The following SYN3 variants were observed in gnomAD, a reference collection of about 807,000 sequenced individuals.
SYN3 encodes the protein synapsin III.
A neutral mutation model predicts 65.8 loss-of-function variants in SYN3; 35 were observed. That is an observed-to-expected ratio of 0.53 (90% CI 0.41 to 0.70). The LOEUF (loss-of-function observed/expected upper bound fraction) is 0.70, where lower values mean the gene tolerates loss of function less well. SYN3 is among the 30% of genes least tolerant of loss of function. The pLI is 0.00. For missense variants in SYN3, 680 were observed against 749.0 expected (o/e 0.91, Z 1.08); for synonymous variants, 270 against 292.9 (o/e 0.92, Z 0.80).
intron 6 of SYN3, among the ~76,000 whole-genome samples, chr22:32,671,188 A>G (rs1438604231): frequency 4.0e-5 from 6 of 151,578 alleles, no homozygotes; most frequent in African/African-American, 1.2e-4. Context: ...GGTGCTAGGG[A>G]TCCTCACTAG....
chr22:32,916,478 AT>A (rs1285402263), intron 4 of SYN3, among the ~76,000 whole-genome samples: 2 of 152,082 alleles, frequency 1.3e-5, no homozygotes, highest in African/African-American at 4.8e-5. Context: ...GGCAAGTTCA[AT>A]TTTTTTTCTT....
intron 7 of SYN3, among the ~76,000 whole-genome samples, chr22:32,548,461 CT>C (rs1948566071): frequency 6.6e-6 from 1 of 152,188 alleles, no homozygotes; most frequent in South Asian, 2.1e-4. Context: ...CAACCTCTGC[CT>C]CCTGGGTTCA....
intron 6 of SYN3, among the ~76,000 whole-genome samples, chr22:32,611,290 T>C (rs1455744809): frequency 9.2e-6 from 1 of 109,240 alleles, no homozygotes; most frequent in African/African-American, 3.6e-5. Flanking sequence ...TTTTGTTTTT[T>C]TTTTTTTTTT....
At chr22:32,999,219 G>C (rs1013476897) in intron 2 of SYN3, among the ~76,000 whole-genome samples, 3 of 152,198 alleles carry the variant, frequency 2.0e-5, no homozygotes, top group Non-Finnish European at 4.4e-5. Context: ...AGGGTGGGGT[G>C]TGTCAGGGAA....
intron 6 of SYN3, among the ~76,000 whole-genome samples, chr22:32,823,387 C>G (rs993842556): frequency 1.3e-5 from 2 of 152,108 alleles, no homozygotes; most frequent in African/African-American, 4.8e-5. Flanking sequence ...GGTGGATGTC[C>G]TCTGCCTCTC....
At chr22:32,929,843 A>G (rs2050577970) in intron 4 of SYN3, among the ~76,000 whole-genome samples, 1 of 152,086 alleles carries the variant, frequency 6.6e-6, no homozygotes, top group Non-Finnish European at 1.5e-5. Flanking sequence ...AATTTGGCTG[A>G]TCTAGTGAAT....
chr22:32,781,792 G>A (rs713996), intron 6 of SYN3, among the ~76,000 whole-genome samples: 52,962 of 151,446 alleles, frequency 0.35, 9,609 homozygotes, highest in East Asian at 0.51. Context: ...TCTCCTCCAG[G>A]ACTGCCTTAG....
At position 32,513,737 on chromosome 22, in the gene SYN3, G is replaced by T; in HGVS notation, c.1698C>A (p.Thr566=). 6.2e-7 allele frequency: 1 copy of T among 1,614,220 alleles called. No individual in the cohort carries two copies. ...TPSEDEAKAE[T]IRNLRKSFAS... ...CAAAAGACTTCCTCAGGTTGCGGAT[G>T]GTTTCAGCCTTGGCCTCGTCTTCAC... Residue 566 remains threonine (T), a synonymous_variant, in exon 14 of 14, where the codon ACC becomes ACA. Coordinates refer to ENST00000358763, the MANE Select transcript of SYN3 (RefSeq NM_003490.4).
intron 6 of SYN3, chr22:32,859,040 T>G: frequency 1.3e-6 from 1 of 775,428 alleles, no homozygotes; most frequent in South Asian, 1.4e-5. Flanking sequence ...GCTAGTGCTA[T>G]TTATATTATG....
In SYN3 at chr22:32,746,205, C is replaced by T. The variant is rs1010436052; in HGVS notation, c.711+118710G>A. Among the ~76,000 whole-genome samples, 11 of 152,304 alleles carry T rather than the reference C, an allele frequency of 7.2e-5. No individual in the cohort carries two copies. The East Asian group carries it at 7.7e-4, about 11-fold the overall frequency. ...AGATGCTGCACAAGGATCAGGTCCA[C>T]GGTTGCAGCCTAAGGGGCAGAAGAA... On this transcript the variant is annotated intron_variant, in intron 6 of 13. Transcript: ENST00000358763.
intron 5 of SYN3, 87 bp downstream of exon 5, chr22:32,868,878 CT>C: frequency 7.6e-7 from 1 of 1,319,410 alleles, no homozygotes; most frequent in Non-Finnish European, 1.0e-6. Flanking sequence ...CTACTGAGGC[CT>C]CCATGCTGGG....
chr22:32,665,642 T>A (rs1281563200), intron 6 of SYN3, among the ~76,000 whole-genome samples: 1 of 152,110 alleles, frequency 6.6e-6, no homozygotes, highest in Non-Finnish European at 1.5e-5. Flanking sequence ...CAAACACTTG[T>A]GTGTTTTGGC....
chr22:32,913,549 G>A (rs926681687), intron 4 of SYN3, among the ~76,000 whole-genome samples: 1 of 152,058 alleles, frequency 6.6e-6, no homozygotes, highest in African/African-American at 2.4e-5. Context: ...AGAGGAGAAT[G>A]TGGGCCAGTT....
chr22:32,947,897 C>G (rs1308191612), intron 3 of SYN3, among the ~76,000 whole-genome samples: 1 of 152,194 alleles, frequency 6.6e-6, no homozygotes, highest in African/African-American at 2.4e-5. Context: ...TGTTGGCCAG[C>G]TGGGCTCTTA....
chr22:32,795,843 G>A (rs923235733), intron 6 of SYN3, among the ~76,000 whole-genome samples: 2 of 152,146 alleles, frequency 1.3e-5, no homozygotes, highest in African/African-American at 2.4e-5. Flanking sequence ...CTGCTCTTTG[G>A]ACTGTCCCCA....
intron 6 of SYN3, among the ~76,000 whole-genome samples, chr22:32,601,283 T>C (rs1275753956): frequency 8.1e-6 from 1 of 123,848 alleles, no homozygotes. Flanking sequence ...TTTTTCTTTC[T>C]TTTTTTTTTT....
chr22:32,735,478 G>T (rs541605314), intron 6 of SYN3, among the ~76,000 whole-genome samples: 9 of 152,188 alleles, frequency 5.9e-5, no homozygotes, highest in Non-Finnish European at 1.3e-4. Flanking sequence ...GAATGACCTA[G>T]TGCAGGCTGG....
intron 7 of SYN3, chr22:32,584,192 T>C (rs775116249): frequency 6.6e-6 from 1 of 152,252 alleles, no homozygotes; most frequent in Non-Finnish European, 1.5e-5. Context: ...ATTAAACTCT[T>C]TCTTTGCTGC....
intron 6 of SYN3, among the ~76,000 whole-genome samples, chr22:32,794,627 G>C (rs1009624461): frequency 2.0e-5 from 3 of 152,192 alleles, no homozygotes; most frequent in Admixed American, 2.0e-4. Context: ...GGATTTGCTC[G>C]ATATCTAGAA....
Sources: allele counts gnomAD v4.1 joint callset (sites outside exome capture counted in the v4.1 genomes callset), GRCh38; gene constraint gnomAD v4.1.1; transcripts MANE v1.5; gene names NCBI Gene and HGNC (gene_info 2026-07-23, HGNC 2026-07-21).